Variants in UTRN observed in about 807,000 individuals in gnomAD.
The protein encoded by UTRN is dystrophin-related protein 1.
In UTRN, 283 loss-of-function variants were observed where a neutral mutation model predicts 463.9. The ratio of observed to expected loss-of-function variants is 0.61; its 90% confidence interval spans 0.55 to 0.67. The LOEUF (loss-of-function observed/expected upper bound fraction) is 0.67. UTRN is among the 30% of genes least tolerant of loss of function. UTRN has a pLI of 0.00. For synonymous variants in UTRN, 1,442 were observed against 1,431.5 expected (o/e 1.01, Z -0.17); for missense variants, 3,922 against 4,084.3 (o/e 0.96, Z 1.08).
chr6:144,336,764 A>G (rs1484415298), intron 2 of UTRN, among the ~76,000 whole-genome samples: 2 of 151,510 alleles, frequency 1.3e-5, no homozygotes, highest in East Asian at 3.9e-4. Context: ...TTTTTGAAGT[A>G]TTTGGGTTGT....
chr6:144,501,509 T>A (rs911381981), intron 34 of UTRN, among the ~76,000 whole-genome samples: 3 of 152,218 alleles, frequency 2.0e-5, no homozygotes, highest in African/African-American at 7.2e-5. Flanking sequence ...AAAATAAATT[T>A]TGTTGTAACT....
At chr6:144,645,538 T>C (rs960787569) in intron 51 of UTRN, among the ~76,000 whole-genome samples, 2 of 152,160 alleles carry the variant, frequency 1.3e-5, no homozygotes, top group African/African-American at 2.4e-5. Flanking sequence ...CTTTGCAAAA[T>C]TGACAAGGTG....
chr6:144,378,819 T>G (rs1395816167), intron 2 of UTRN, among the ~76,000 whole-genome samples: 6 of 152,210 alleles, frequency 3.9e-5, no homozygotes, highest in African/African-American at 1.4e-4. Context: ...GGCTTTAGGC[T>G]GGAGGCAAGA....
chr6:144,649,606 A>T (rs1778605196), intron 51 of UTRN, among the ~76,000 whole-genome samples: 1 of 152,202 alleles, frequency 6.6e-6, no homozygotes, highest in Non-Finnish European at 1.5e-5. Context: ...ACAGGGAATG[A>T]TACGACAGTA....
At chr6:144,700,031 G>A (rs1784424427) in intron 52 of UTRN, 56 bp from the exon 53 acceptor site, 1 of 1,496,116 alleles carries the variant, frequency 6.7e-7, no homozygotes, top group Middle Eastern at 1.8e-4. Flanking sequence ...ATAATTTTGT[G>A]AATGTAATTT....
chr6:144,522,522 T>C (rs1004162302), intron 40 of UTRN, among the ~76,000 whole-genome samples: 6 of 152,178 alleles, frequency 3.9e-5, no homozygotes, highest in African/African-American at 1.4e-4. Context: ...TGGTTTAAAA[T>C]TGGCCAGTTG....
At chr6:144,625,356 T>A (rs1235289861) in intron 51 of UTRN, among the ~76,000 whole-genome samples, 1 of 152,240 alleles carries the variant, frequency 6.6e-6, no homozygotes, top group Non-Finnish European at 1.5e-5. Context: ...TTATACTATT[T>A]TGAGTTGGAT....
intron 46 of UTRN, among the ~76,000 whole-genome samples, chr6:144,545,258 C>A (rs554233385): frequency 1.2e-4 from 19 of 152,316 alleles, no homozygotes; most frequent in Middle Eastern, 3.4e-3. Flanking sequence ...TGCCTCAGTA[C>A]TTCTCCATGA....
intron 2 of UTRN, among the ~76,000 whole-genome samples, chr6:144,318,500 A>G (rs1278951413): frequency 1.3e-5 from 2 of 150,418 alleles, no homozygotes; most frequent in East Asian, 2.0e-4. Context: ...GTTTCGCTCT[A>G]TCGCCCAGGC....
rs774066809 is a variant in UTRN at position 144,461,180 on chromosome 6, T to C, written c.2708-17T>C. 41 of 1,548,512 alleles carry C rather than the reference T, an allele frequency of 2.6e-5. No individual in the cohort carries two copies. The South Asian group carries it at 4.4e-4, about 16-fold the overall frequency. On this transcript the variant is annotated splice_polypyrimidine_tract_variant and intron_variant, in intron 21 of 74. Transcript: ENST00000367545. ...CCTAATATGATTTTTTCAAACTAAA[T>C]ATTTTTAAATAAACAGAACTGAAGG... is the stretch of plus-strand genomic sequence containing the variant.
intron 52 of UTRN, among the ~76,000 whole-genome samples, chr6:144,679,643 T>C (rs973834592): frequency 6.6e-6 from 1 of 152,202 alleles, no homozygotes; most frequent in African/African-American, 2.4e-5. Flanking sequence ...CCCTAATCTA[T>C]GTAAATCCTG....
At chr6:144,615,830 G>T (rs1333963599) in intron 51 of UTRN, among the ~76,000 whole-genome samples, 3 of 152,104 alleles carry the variant, frequency 2.0e-5, no homozygotes, top group Non-Finnish European at 4.4e-5. Context: ...AGTCATGTCA[G>T]TTCTCTGCTT....
chr6:144,811,364 G>A (rs1778595686), intron 65 of UTRN, among the ~76,000 whole-genome samples: 1 of 152,152 alleles, frequency 6.6e-6, no homozygotes, highest in Non-Finnish European at 1.5e-5. Context: ...GATGTGGGGT[G>A]TTTGCCAATA....
intron 19 of UTRN, among the ~76,000 whole-genome samples, chr6:144,457,706 A>G (rs1322626136): frequency 6.6e-6 from 1 of 152,228 alleles, no homozygotes; most frequent in Non-Finnish European, 1.5e-5. Context: ...GCCCTCATTT[A>G]TGATTTTCAG....
At chr6:144,444,196 C>T in intron 13 of UTRN, 85 bp from the exon 14 acceptor site, 1 of 1,101,516 alleles carries the variant, frequency 9.1e-7, no homozygotes, top group East Asian at 2.8e-5. Flanking sequence ...TAATAAAGAA[C>T]AATGGAAATC....
chr6:144,470,245 C>CAG (rs1790403675), intron 23 of UTRN, among the ~76,000 whole-genome samples: 1 of 152,180 alleles, frequency 6.6e-6, no homozygotes, highest in Admixed American at 6.5e-5. Flanking sequence ...GGCGGCCGGG[C>CAG]AGAGGGGTTC....
At position 144,380,685 on chromosome 6, in the gene UTRN, C is replaced by T. The variant is rs561430332; in HGVS notation, c.80-22438C>T. 8.5e-5 allele frequency among the ~76,000 whole-genome samples: 13 copies of T among 152,172 alleles called. No homozygotes were observed. The East Asian group carries it at 2.1e-3, about 25-fold the overall frequency. Reference sequence around the variant, plus strand: ...AAAATATTAGCTGGGCTTGGTGGCTCATGCCTGTAGTCTGAACCACTCAGG... The same window carrying T: ...AAAATATTAGCTGGGCTTGGTGGCTTATGCCTGTAGTCTGAACCACTCAGG... On this transcript the variant is annotated intron_variant, in intron 2 of 74. Transcript: ENST00000367545.
intron 39 of UTRN, 140 bp downstream of exon 39, chr6:144,517,088 A>G (rs1447079193): frequency 1.4e-6 from 1 of 699,146 alleles, no homozygotes; most frequent in Non-Finnish European, 2.0e-6. Flanking sequence ...GTGTTACTAG[A>G]TGTGTTCATA....
At chr6:144,579,837 T>G (rs1801792150) in intron 51 of UTRN, among the ~76,000 whole-genome samples, 2 of 152,306 alleles carry the variant, frequency 1.3e-5, no homozygotes, top group African/African-American at 4.8e-5. Context: ...ATTCCTTTGT[T>G]TAAAGATAAA....
Sources: allele counts gnomAD v4.1 joint callset (sites outside exome capture counted in the v4.1 genomes callset), GRCh38; gene constraint gnomAD v4.1.1; transcripts MANE v1.5; gene names NCBI Gene and HGNC (gene_info 2026-07-23, HGNC 2026-07-21).